Variants in VEPH1 observed in about 807,000 individuals in gnomAD.
VEPH1 encodes ventricular zone-expressed PH domain-containing protein homolog 1.
A neutral mutation model predicts 85.2 loss-of-function variants in VEPH1; 80 were observed. That is an observed-to-expected ratio of 0.94 (90% confidence interval 0.78 to 1.13). VEPH1 has a LOEUF of 1.13. Ranked by LOEUF, VEPH1 falls within the 50% of genes most tolerant of loss-of-function variation. VEPH1 has a pLI of 0.00. For missense variants in VEPH1, 955 were observed against 980.5 expected (o/e 0.97, Z 0.35); for synonymous variants, 297 against 348.0 (o/e 0.85, Z 1.63).
intron 9 of VEPH1, among the ~76,000 whole-genome samples, chr3:157,347,978 T>TG (rs1407527861): frequency 6.6e-6 from 1 of 152,184 alleles, no homozygotes; most frequent in East Asian, 1.9e-4. Context: ...CGCCCTCCTC[T>TG]GGGGGTCAGT....
chr3:157,356,071 ATATT>A (rs1725392359), intron 9 of VEPH1, among the ~76,000 whole-genome samples: 1 of 151,872 alleles, frequency 6.6e-6, no homozygotes, highest in African/African-American at 2.4e-5. Flanking sequence ...TTATTTTTGC[ATATT>A]TTTTGTAGAG....
At chr3:157,416,789 GAAAT>G (rs1731944514) in intron 5 of VEPH1, among the ~76,000 whole-genome samples, 1 of 149,060 alleles carries the variant, frequency 6.7e-6, no homozygotes, top group Admixed American at 6.7e-5. Context: ...GGAAGGAAGA[GAAAT>G]AAAGAAAGAG....
chr3:157,434,936 C>A (rs1429607140), intron 4 of VEPH1, among the ~76,000 whole-genome samples: 3 of 152,120 alleles, frequency 2.0e-5, no homozygotes, highest in African/African-American at 7.2e-5. Flanking sequence ...ATTTTAGAAT[C>A]CTATTACTGA....
At chr3:157,459,983 T>A in intron 4 of VEPH1, 198 bp downstream of exon 4, 1 of 1,538,778 alleles carries the variant, frequency 6.5e-7, no homozygotes, top group Non-Finnish European at 8.7e-7. Context: ...TCTAAGTAAT[T>A]CATCTGCCTT....
At chr3:157,283,018 A>G (rs145779938) in intron 12 of VEPH1, among the ~76,000 whole-genome samples, 1 of 152,378 alleles carries the variant, frequency 6.6e-6, no homozygotes, top group East Asian at 1.9e-4. Context: ...ATTCTACTGT[A>G]ATCATTTCCT....
At chr3:157,429,480 G>A (rs1030795259) in intron 4 of VEPH1, among the ~76,000 whole-genome samples, 7 of 152,186 alleles carry the variant, frequency 4.6e-5, no homozygotes, top group South Asian at 4.1e-4. Flanking sequence ...TAAATTTAAC[G>A]AAAGCGTGAT....
rs1306853886 is a variant in VEPH1, at chr3:157,313,679, G to T, written c.1952C>A (p.Ala651Glu). 3 of 1,614,108 alleles carry T rather than the reference G, an allele frequency of 1.9e-6. No homozygotes were observed. In the African/African-American group the frequency reaches 4.0e-5, roughly 22 times the overall value. Residue 651 changes from alanine to glutamate, a missense_variant, in exon 11 of 14, where the codon GCA (alanine) becomes GAA (glutamate). By Grantham distance (107) the Ala-to-Glu change is moderately radical. Coordinates refer to ENST00000362010, the MANE Select transcript of VEPH1 (RefSeq NM_001167912.2). ...AGTTTCAAAGCTGTGAGCACCCCCTGCCTGGGTCTTCTCCCACAGAGCTCT... is the reference window on the plus strand; with the variant it reads ...AGTTTCAAAGCTGTGAGCACCCCCTTCCTGGGTCTTCTCCCACAGAGCTCT... The part of the protein sequence containing the change: ...FLRALWEKTQ[A>E]GGAHSFETAM...
intron 2 of VEPH1, among the ~76,000 whole-genome samples, chr3:157,487,144 A>G (rs1738725806): frequency 1.3e-5 from 2 of 152,082 alleles, no homozygotes; most frequent in Admixed American, 1.3e-4. Flanking sequence ...TACAGAAAGT[A>G]CAAAAAGTAA....
chr3:157,429,108 T>A (rs1732955779), intron 4 of VEPH1, among the ~76,000 whole-genome samples: 2 of 152,196 alleles, frequency 1.3e-5, no homozygotes, highest in Non-Finnish European at 2.9e-5. Context: ...ACAACTAGAT[T>A]TATAATGGCA....
At chr3:157,357,646 C>T (rs753642903) in intron 9 of VEPH1, among the ~76,000 whole-genome samples, 1 of 152,106 alleles carries the variant, frequency 6.6e-6, no homozygotes, top group Non-Finnish European at 1.5e-5. Flanking sequence ...GCGCGTGCTA[C>T]CACGCCTGGC....
chr3:157,332,134 TTGTA>T (rs1722566875), intron 9 of VEPH1, among the ~76,000 whole-genome samples: 1 of 152,214 alleles, frequency 6.6e-6, no homozygotes, highest in Non-Finnish European at 1.5e-5. Flanking sequence ...ATTACACTAA[TTGTA>T]TGTGTTTATT....
chr3:157,491,348 C>T (rs1050113039), intron 2 of VEPH1, among the ~76,000 whole-genome samples: 1 of 152,060 alleles, frequency 6.6e-6, no homozygotes, highest in African/African-American at 2.4e-5. Context: ...GTGGATGAGA[C>T]AATCTCTCTT....
intron 12 of VEPH1, among the ~76,000 whole-genome samples, chr3:157,266,526 G>A (rs539768019): frequency 1.3e-5 from 2 of 152,256 alleles, no homozygotes; most frequent in Admixed American, 6.5e-5. Flanking sequence ...GTCTCATTCA[G>A]TTGAAAGCTC....
intron 6 of VEPH1, among the ~76,000 whole-genome samples, chr3:157,386,080 T>A: frequency 6.6e-6 from 1 of 152,080 alleles, no homozygotes; most frequent in East Asian, 1.9e-4. Flanking sequence ...AAACTCCAAT[T>A]TTCATTTGCA....
Position 157,317,175 on chromosome 3 carries a change from A to G in VEPH1, c.1762T>C (p.Leu588=), listed in dbSNP as rs2108530646. The G allele has an allele frequency of 6.2e-7, 1 of 1,611,952 alleles. No individual in the cohort carries two copies. Among genetic ancestry groups the G allele is most frequent in the East Asian group, 2.2e-5 (1 of 44,734 alleles). The stretch of plus-strand genomic sequence containing the variant: ...CCCTTCAGGGAGCAGGTGAAGAACA[A>G]CTTTGCTACACAACTTCTCACAGTG... ...EDTVRSCVAK[L]FFTCSLKGHY... The change falls in exon 10 of 14, where the codon TTG becomes CTG. Residue 588 remains leucine, a synonymous_variant. Coordinates refer to ENST00000362010, the MANE Select transcript of VEPH1 (RefSeq NM_001167912.2).
chr3:157,266,135 A>G (rs1713610790), intron 12 of VEPH1, among the ~76,000 whole-genome samples: 8 of 150,714 alleles, frequency 5.3e-5, no homozygotes. Context: ...ACTGCTGGAA[A>G]TATAGCTTTA....
chr3:157,287,296 G>A (rs1206432834), intron 11 of VEPH1, among the ~76,000 whole-genome samples: 1 of 152,062 alleles, frequency 6.6e-6, no homozygotes, highest in Non-Finnish European at 1.5e-5. Flanking sequence ...GATCGCTTGA[G>A]CCTGTGAGGC....
At chr3:157,349,263 T>C (rs1724580030) in intron 9 of VEPH1, among the ~76,000 whole-genome samples, 1 of 152,188 alleles carries the variant, frequency 6.6e-6, no homozygotes, top group Non-Finnish European at 1.5e-5. Flanking sequence ...ATTATATCAA[T>C]AGAATTAAGA....
At position 157,439,484 on chromosome 3, in the gene VEPH1, A is replaced by G. The variant is rs556351761; in HGVS notation, c.530-10996T>C. On this transcript the variant is annotated intron_variant, in intron 4 of 13. Transcript: ENST00000362010. ...ATAATCAGAAAAACCTATTAGTTAA[A>G]AGCCATTTCATAAGAGAGTTTCTGA... 4.6e-5 allele frequency among the ~76,000 whole-genome samples: 7 copies of G among 152,336 alleles called. No homozygotes were observed. The South Asian group carries it at 1.4e-3, about 32-fold the overall frequency.
Sources: allele counts gnomAD v4.1 joint callset (sites outside exome capture counted in the v4.1 genomes callset), GRCh38; gene constraint gnomAD v4.1.1; transcripts MANE v1.5; gene names NCBI Gene and HGNC (gene_info 2026-07-23, HGNC 2026-07-21).